Variants in QTMAN observed in about 807,000 individuals in gnomAD.
QTMAN encodes queuosine-tRNA mannosyltransferase.
the QTMAN span, among the ~76,000 whole-genome samples, chr2:144,170,850 T>C: frequency 2.0e-5 from 3 of 152,184 alleles, no homozygotes; most frequent in Non-Finnish European, 4.4e-5. Flanking sequence ...AACTACTTGA[T>C]ATTCACATTG....
chr2:144,114,523 T>C, the QTMAN span, among the ~76,000 whole-genome samples: 1 of 152,216 alleles, frequency 6.6e-6, no homozygotes, highest in African/African-American at 2.4e-5. Flanking sequence ...ATTCTTTTCT[T>C]CAGTACACTT....
chr2:144,056,923 C>T, the QTMAN span, among the ~76,000 whole-genome samples: 104 of 152,300 alleles, frequency 6.8e-4, no homozygotes, highest in South Asian at 4.6e-3. Flanking sequence ...AAACATTTTG[C>T]GATAGCAAAA....
the QTMAN span, among the ~76,000 whole-genome samples, chr2:144,162,244 T>A: frequency 6.6e-6 from 1 of 152,034 alleles, no homozygotes; most frequent in African/African-American, 2.4e-5. Context: ...TGAGACCTGG[T>A]TCCAGGAACG....
chr2:143,947,807 T>C, the QTMAN span, among the ~76,000 whole-genome samples: 1 of 152,126 alleles, frequency 6.6e-6, no homozygotes, highest in African/African-American at 2.4e-5. Flanking sequence ...TTTCCTTTTA[T>C]TTTATTTAGA....
At chr2:143,986,795 T>A in the QTMAN span, among the ~76,000 whole-genome samples, 4 of 152,130 alleles carry the variant, frequency 2.6e-5, no homozygotes, top group Admixed American at 6.5e-5. Flanking sequence ...AATATACACA[T>A]GTATGTGTGT....
At chr2:144,252,174 C>G in the QTMAN span, among the ~76,000 whole-genome samples, 1 of 152,110 alleles carries the variant, frequency 6.6e-6, no homozygotes, top group African/African-American at 2.4e-5. Context: ...TAAGACAAGC[C>G]TGGGCAACAA....
At chr2:144,222,488 CTTAA>C in the QTMAN span, among the ~76,000 whole-genome samples, 3 of 151,920 alleles carry the variant, frequency 2.0e-5, no homozygotes, top group African/African-American at 7.2e-5. Flanking sequence ...TAGTTGCACA[CTTAA>C]TTTCTGAAGT....
the QTMAN span, among the ~76,000 whole-genome samples, chr2:144,206,171 A>C: frequency 1.3e-5 from 2 of 152,216 alleles, no homozygotes. Context: ...CTACATTCAA[A>C]GTCTTTCTCA....
At chr2:144,177,019 T>C in the QTMAN span, 1 of 624,088 alleles carries the variant, frequency 1.6e-6, no homozygotes, top group East Asian at 2.7e-5. Flanking sequence ...AGAGAGAGAG[T>C]GGTGGGAGGT....
the QTMAN span, among the ~76,000 whole-genome samples, chr2:144,179,244 TAGA>T: frequency 6.6e-6 from 1 of 152,116 alleles, no homozygotes; most frequent in African/African-American, 2.4e-5. Context: ...GACAGTAGAG[TAGA>T]AGGAGCATAA....
At chr2:143,982,658 C>T in the QTMAN span, among the ~76,000 whole-genome samples, 2 of 151,238 alleles carry the variant, frequency 1.3e-5, no homozygotes, top group African/African-American at 2.4e-5. Flanking sequence ...GTCACGAGTT[C>T]GAGAGCAGCC....
the QTMAN span, among the ~76,000 whole-genome samples, chr2:144,131,431 C>T: frequency 6.6e-6 from 1 of 151,814 alleles, no homozygotes; most frequent in African/African-American, 2.4e-5. Flanking sequence ...TCTCCAATAA[C>T]CTATTCTAGT....
At chr2:144,103,100 G>A in the QTMAN span, among the ~76,000 whole-genome samples, 3 of 152,164 alleles carry the variant, frequency 2.0e-5, no homozygotes, top group African/African-American at 7.2e-5. Flanking sequence ...TGATGAAGAT[G>A]ATGACAATAA....
chr2:144,109,246 C>A, the QTMAN span, among the ~76,000 whole-genome samples: 21 of 152,284 alleles, frequency 1.4e-4, no homozygotes, highest in East Asian at 4.1e-3. Flanking sequence ...TACCACACAT[C>A]TACAACCATC....
the QTMAN span, among the ~76,000 whole-genome samples, chr2:143,975,597 T>C: frequency 1.3e-5 from 2 of 152,232 alleles, no homozygotes; most frequent in Admixed American, 6.5e-5. Context: ...CATCTTCATC[T>C]TCTTCCAGTA....
the QTMAN span, among the ~76,000 whole-genome samples, chr2:144,018,094 TC>T: frequency 6.6e-6 from 1 of 152,200 alleles, no homozygotes; most frequent in Admixed American, 6.6e-5. Flanking sequence ...CTTTTACTTT[TC>T]CTTGTCTTTA....
chr2:144,213,169 T>C, the QTMAN span, among the ~76,000 whole-genome samples: 4 of 152,178 alleles, frequency 2.6e-5, no homozygotes, highest in African/African-American at 4.8e-5. Flanking sequence ...AAACCAACGC[T>C]ATGAATATTT....
chr2:144,319,409 A>T, the QTMAN span, among the ~76,000 whole-genome samples: 1 of 152,188 alleles, frequency 6.6e-6, no homozygotes, highest in Non-Finnish European at 1.5e-5. Context: ...CTAAAAGGTG[A>T]TAACTATATG....
the QTMAN span, among the ~76,000 whole-genome samples, chr2:144,126,348 T>C: frequency 0.028 from 4,322 of 151,886 alleles, 194 homozygotes; most frequent in African/African-American, 0.099. Context: ...CCCCAGATAT[T>C]CTGACTTAAC....
Sources: allele counts gnomAD v4.1 joint callset (sites outside exome capture counted in the v4.1 genomes callset), GRCh38; gene constraint gnomAD v4.1.1; transcripts MANE v1.5; gene names NCBI Gene and HGNC (gene_info 2026-07-23, HGNC 2026-07-21).